The following PLK5 variants were observed in gnomAD, a reference collection of about 807,000 sequenced individuals.
PLK5 encodes polo like kinase 5 (inactive).
Under a neutral mutation model 33.7 loss-of-function variants are expected in PLK5, and 28 were observed. The ratio of observed to expected loss-of-function variants is 0.83; its 90% CI spans 0.62 to 1.14. The LOEUF is 1.14. PLK5 is among the 50% of genes most tolerant of loss of function. The pLI is 0.00. For synonymous variants in PLK5, 225 were observed against 202.2 expected (o/e 1.11, Z -0.96); for missense variants, 492 against 461.5 (o/e 1.07, Z -0.61).
intron 10 of PLK5, 40 bp from the exon 11 acceptor site, chr19:1,529,707 A>G: frequency 6.5e-7 from 1 of 1,532,100 alleles, no homozygotes; most frequent in Non-Finnish European, 8.7e-7. Flanking sequence ...TGGTGGTGGG[A>G]ACCCAGACCT....
chr19:1,533,897 T>C, intron 12 of PLK5, 34 bp from the exon 13 acceptor site: 2 of 1,484,706 alleles, frequency 1.3e-6, no homozygotes, highest in South Asian at 1.2e-5. Context: ...GGACGCCCCC[T>C]GCGTCACGTG....
chr19:1,528,164 T>G (rs972592641), intron 7 of PLK5, 30 bp downstream of exon 7: 1 of 1,522,246 alleles, frequency 6.6e-7, no homozygotes, highest in Admixed American at 2.0e-5. Flanking sequence ...GTGGGGTCCC[T>G]GGCGTGGGGT....
rs1436363712 is a variant in PLK5 at position 1,529,407 on chromosome 19, G to A, written c.407G>A (p.Ser136Asn). The change falls in exon 10 of 14, where the codon AGC (serine) becomes AAC (asparagine). Residue 136 changes from serine to asparagine, a missense_variant and splice_region_variant. Physicochemically the swap from Ser to Asn is conservative, Grantham distance 46. Transcript: ENST00000454744. ...CCACCCCTGCTGCTCCCACCTCAGAGCTCCCTGTCTGCGAAAGAGGTTCCC... is the reference window on the plus strand; with the variant it reads ...CCACCCCTGCTGCTCCCACCTCAGAACTCCCTGTCTGCGAAAGAGGTTCCC... ...DPDSMEWDGE[S>N]SLSAKEVPCL... The A allele has an allele frequency of 6.5e-7, 1 of 1,535,648 alleles. No individual in the cohort carries two copies. The highest frequency in any genetic ancestry group is 8.7e-7 in the Non-Finnish European group (1 of 1,146,788).
Position 1,529,781 on chromosome 19 carries a change from G to C in PLK5, c.525G>C (p.Ala175=). 6.5e-7 allele frequency: 1 copy of C among 1,535,982 alleles called. No individual in the cohort carries two copies. ...GGAGCCGGCGGCCAGAGGTGGAGGC[G>C]GCCCTCAGACACCTGCAGCTGTGCC... The part of the protein sequence containing the change: ...PEGSRRPEVE[A]ALRHLQLCLD... The change falls in exon 11 of 14, where the codon GCG becomes GCC. Residue 175 remains alanine, a synonymous_variant. Coordinates refer to ENST00000454744, the MANE Select transcript of PLK5 (RefSeq NM_001243079.2).
chr19:1,525,933 G>A (rs909677589), intron 3 of PLK5, among the ~76,000 whole-genome samples: 5 of 152,180 alleles, frequency 3.3e-5, no homozygotes, highest in African/African-American at 9.7e-5. Context: ...AGCTTACGCT[G>A]TGCTCATCAG....
chr19:1,526,717 TAAC>T lies in PLK5; in HGVS notation c.-166_-164del. On this transcript the variant is annotated 5_prime_UTR_variant, in exon 5 of 14. Transcript: ENST00000454744. ...TCCCACTGCCAGGTAACTTCTTCCTTAACAAGAACATGGAGGTGAAGATTGGAG... is the reference window on the plus strand; with the variant it reads ...TCCCACTGCCAGGTAACTTCTTCCTTAAGAACATGGAGGTGAAGATTGGAG... 2.0e-6 allele frequency: 1 copy of T among 507,956 alleles called. No homozygotes were observed. The highest frequency in any genetic ancestry group is 3.6e-6 in the Non-Finnish European group (1 of 279,624). The allele number at this position is 507,956 out of a possible 1,614,324, so 31.5% of individuals were successfully genotyped here.
Position 1,528,900 on chromosome 19 carries a change from C to G in PLK5, c.331C>G (p.Pro111Ala). ...RLLTQCRPPC[P>A]FTPKEASGPG... ...CCAAGGCCTTGTGCCTCCCTCAGGC[C>G]CCTTCACGCCTAAAGAGGCCTCGGG... The change falls in exon 9 of 14, where the codon CCC (proline) becomes GCC (alanine). Residue 111 changes from proline to alanine, a missense_variant and splice_region_variant. Pro to Ala is a conservative substitution (Grantham distance 27). Transcript: ENST00000454744. 6.6e-7 allele frequency: 1 copy of G among 1,509,952 alleles called. No homozygotes were observed. Among genetic ancestry groups the G allele is most frequent in the South Asian group, 1.2e-5 (1 of 80,496 alleles). The allele number at this position is 1,509,952 out of a possible 1,614,324, so 93.5% of individuals were successfully genotyped here.
At chr19:1,530,940 A>G (rs932405304) in intron 11 of PLK5, among the ~76,000 whole-genome samples, 1 of 151,960 alleles carries the variant, frequency 6.6e-6, no homozygotes, top group African/African-American at 2.4e-5. Flanking sequence ...CTCTACAAAA[A>G]AATGAGCCGG....
At chr19:1,531,431 A>C (rs946842007) in intron 11 of PLK5, among the ~76,000 whole-genome samples, 3 of 33,166 alleles carry the variant, frequency 9.0e-5, no homozygotes, top group Non-Finnish European at 2.4e-4. Context: ...AAAACAAAAC[A>C]AACAAAAACA....
chr19:1,530,469 G>A (rs1171114183), intron 11 of PLK5, among the ~76,000 whole-genome samples: 1 of 151,826 alleles, frequency 6.6e-6, no homozygotes, highest in African/African-American at 2.4e-5. Flanking sequence ...GCTAATTTCT[G>A]TATTCTTTTA....
Position 1,524,791 on chromosome 19 carries a change from G to T in PLK5, c.-543-514G>T, listed in dbSNP as rs773436481. 5.7e-4 allele frequency among the ~76,000 whole-genome samples: 87 copies of T among 151,918 alleles called. No homozygotes were observed. The highest frequency in any genetic ancestry group is 3.1e-3 in the South Asian group (15 of 4,804). On this transcript the variant is annotated intron_variant, in intron 1 of 13. Transcript: ENST00000454744. This position sits in a 1 kb window ranked among gnomAD's most constrained non-coding sequence, Gnocchi z 4.5. ...CTAGGAGTTGTGTGTTCATGTGTTT[G>T]TATCTGTGTCTTTGTCCATGTGTTG...
chr19:1,531,748 C>A lies in PLK5; in HGVS notation c.579C>A (p.Asp193Glu), dbSNP rs534584983. 3.9e-6 allele frequency: 6 copies of A among 1,536,506 alleles called. No homozygotes were observed. The highest frequency in any genetic ancestry group is 1.4e-5 in the African/African-American group (1 of 73,162). ...CLDVGPPATQ[D>E]PLGEQQPILW... ...TTTGTTTGTGCCCAGCCACACAGGACCCCCTGGGAGAGCAGCAGCCCATCC... is the reference window on the plus strand; with the variant it reads ...TTTGTTTGTGCCCAGCCACACAGGAACCCCTGGGAGAGCAGCAGCCCATCC... The change falls in exon 12 of 14, where the codon GAC becomes GAA. Residue 193 changes from aspartate (D) to glutamate (E), a missense_variant. By Grantham distance (45) the Asp-to-Glu change is conservative. Transcript: ENST00000454744.
chr19:1,529,468 G>C lies in PLK5; in HGVS notation c.468G>C (p.Gly156=). The C allele has an allele frequency of 6.5e-7, 1 of 1,536,012 alleles. No homozygotes were observed. The highest frequency in any genetic ancestry group is 1.4e-5 in the African/African-American group (1 of 73,178). ...GCCCCATCCACCTGGTCGCACAAGG[G>C]ACCCTGCAGAGTGACCTGGCCGGTG... ...LEGPIHLVAQ[G]TLQSDLAGPE... is the part of the protein sequence containing the mutation. Residue 156 remains glycine (G), a synonymous_variant, in exon 10 of 14, where the codon GGG becomes GGC. Transcript: ENST00000454744.
chr19:1,531,140 G>A (rs1913916614), intron 11 of PLK5, among the ~76,000 whole-genome samples: 1 of 151,750 alleles, frequency 6.6e-6, no homozygotes, highest in African/African-American at 2.4e-5. Flanking sequence ...GCAGGGCGTG[G>A]TGGCTCATGC....
chr19:1,528,256 G>A (rs1368451752), intron 7 of PLK5, 46 bp from the exon 8 acceptor site: 1 of 1,535,714 alleles, frequency 6.5e-7, no homozygotes, highest in Admixed American at 2.0e-5. Context: ...GGTGCTCAGG[G>A]GCTGGGTGAC....
rs11288093 is a variant in PLK5 at position 1,527,052 on chromosome 19, C to CG, written c.2+62dup. 2,015 of 842,702 alleles carry CG rather than the reference C, an allele frequency of 2.4e-3. 33 individuals are homozygous for CG. The African/African-American group carries it at 0.027, about 11-fold the overall frequency. 52.2% of individuals were successfully genotyped at this position (842,702 alleles called of 1,614,324 possible). A position where few individuals can be genotyped will look rare whatever the true frequency, so the allele number is the denominator to read the frequency against. ...GGGCCTCCGGGGGGGGCAGGTGTGG[C>CG]GGGGGGGGAGCCTGCACGGAACAGG... On this transcript the variant is annotated intron_variant, in intron 6 of 13. Transcript: ENST00000454744.
At chr19:1,526,817 G>A (rs1471106947) in intron 5 of PLK5, 26 bp downstream of exon 5, 3 of 755,410 alleles carry the variant, frequency 4.0e-6, no homozygotes, top group Non-Finnish European at 6.6e-6. Context: ...AGGGCTCTGA[G>A]CAGTCCGTCC....
chr19:1,528,069 C>T lies in PLK5; in HGVS notation c.136C>T (p.Leu46=). ...TGCGCGCCGCCTCATCGTGCACCTC[C>T]TAGCACCCAACCCGGCCGAGCGGCC... The part of the protein sequence containing the change: ...ANARRLIVHL[L]APNPAERPSL... The change falls in exon 7 of 14, where the codon CTA becomes TTA. Residue 46 remains leucine (L), a synonymous_variant. Transcript: ENST00000454744. 1 of 1,536,062 alleles carries T rather than the reference C, an allele frequency of 6.5e-7. No homozygotes were observed. Among genetic ancestry groups the T allele is most frequent in the Non-Finnish European group, 8.7e-7 (1 of 1,146,826 alleles).
chr19:1,533,869 TGTGGGGGCG>T (rs1294558869), intron 12 of PLK5, 53 bp from the exon 13 acceptor site: 19 of 745,960 alleles, frequency 2.5e-5, no homozygotes, highest in Non-Finnish European at 2.5e-5. Context: ...GGGTGCTGGG[TGTGGGGGCG>T]AGGGGTGGGG....
Sources: allele counts gnomAD v4.1 joint callset (sites outside exome capture counted in the v4.1 genomes callset), GRCh38; gene constraint gnomAD v4.1.1; non-coding constraint Gnocchi (gnomAD v3.1); transcripts MANE v1.5; gene names NCBI Gene and HGNC (gene_info 2026-07-23, HGNC 2026-07-21).